Variants in MACROD2 observed in about 807,000 individuals in gnomAD.
MACROD2 encodes the protein ADP-ribose glycohydrolase MACROD2.
In MACROD2, 36 loss-of-function variants were observed where a neutral mutation model predicts 70.4. The ratio of observed to expected loss-of-function variants is 0.51; its 90% CI spans 0.39 to 0.68. MACROD2 has a LOEUF of 0.68. Among genes scored for constraint, MACROD2 ranks in the 30% least tolerant of loss-of-function variants. The pLI is 0.00. For synonymous variants in MACROD2, 172 were observed against 178.8 expected (o/e 0.96, Z 0.30); for missense variants, 496 against 538.4 (o/e 0.92, Z 0.78).
At chr20:15,943,246 G>A (rs2147345542) in intron 12 of MACROD2, among the ~76,000 whole-genome samples, 1 of 152,290 alleles carries the variant, frequency 6.6e-6, no homozygotes, top group South Asian at 2.1e-4. Context: ...CAGTGGTGTG[G>A]ACTCAAAATT....
chr20:15,624,178 C>A (rs112145567), intron 8 of MACROD2, among the ~76,000 whole-genome samples: 3,207 of 152,266 alleles, frequency 0.021, 98 homozygotes, highest in African/African-American at 0.071. Flanking sequence ...TGTTTGAGGG[C>A]AGGAAGCATG....
intron 4 of MACROD2, among the ~76,000 whole-genome samples, chr20:14,583,885 C>G (rs559398714): frequency 6.6e-6 from 1 of 152,210 alleles, no homozygotes; most frequent in Admixed American, 6.5e-5. Context: ...ATACTTGCTA[C>G]TGGTTTCCTT....
intron 2 of MACROD2, among the ~76,000 whole-genome samples, chr20:14,045,680 A>G (rs2053462605): frequency 6.6e-6 from 1 of 152,200 alleles, no homozygotes; most frequent in African/African-American, 2.4e-5. Flanking sequence ...GACAAATAGC[A>G]GAATTAGACC....
At chr20:14,040,566 C>T (rs935001319) in intron 2 of MACROD2, among the ~76,000 whole-genome samples, 2 of 152,140 alleles carry the variant, frequency 1.3e-5, no homozygotes, top group Non-Finnish European at 2.9e-5. Context: ...CCCCATCCCA[C>T]CCAAATATGG....
chr20:15,457,961 A>AG (rs1373003994), intron 7 of MACROD2, among the ~76,000 whole-genome samples: 3,036 of 147,402 alleles, frequency 0.021, 110 homozygotes, highest in African/African-American at 0.071. Flanking sequence ...AAAAAAAAAA[A>AG]AGAAAAAAGA....
chr20:14,510,624 G>A (rs1425788712), intron 4 of MACROD2, among the ~76,000 whole-genome samples: 1 of 152,026 alleles, frequency 6.6e-6, no homozygotes, highest in East Asian at 1.9e-4. Context: ...TAATTGGATT[G>A]TGTTTATGGA....
intron 8 of MACROD2, among the ~76,000 whole-genome samples, chr20:15,572,495 A>C (rs2048388996): frequency 6.6e-6 from 1 of 152,126 alleles, no homozygotes; most frequent in Non-Finnish European, 1.5e-5. Context: ...AATCTGTCTA[A>C]GGTTTATTCA....
In MACROD2 at chr20:14,882,793, TA is replaced by T. The variant is rs946940552; in HGVS notation, c.418+197839del. On this transcript the variant is annotated intron_variant, in intron 5 of 17. Coordinates refer to ENST00000684519, the MANE Select transcript of MACROD2 (RefSeq NM_001351661.2). ...TGGATTGCATTATCTCCATTTTTTT[TA>T]AAAATAAAGTTTAGATCGCTCCCTG... is the stretch of plus-strand genomic sequence containing the variant. Among the ~76,000 whole-genome samples the T allele has an allele frequency of 6.1e-5, 8 of 131,536 alleles. No homozygotes were observed. The East Asian group carries it at 7.0e-4, about 12-fold the overall frequency. The allele number at this position is 131,536 out of a possible 152,430, so 86.3% of individuals were successfully genotyped here. A position where few individuals can be genotyped will look rare whatever the true frequency, so the allele number is the denominator to read the frequency against.
chr20:15,056,387 C>T (rs369746720), intron 5 of MACROD2, among the ~76,000 whole-genome samples: 4 of 152,224 alleles, frequency 2.6e-5, no homozygotes, highest in Non-Finnish European at 4.4e-5. Context: ...TCAGAGCTCC[C>T]GGCGAGACTC....
At chr20:14,648,299 C>T (rs1985502072) in intron 4 of MACROD2, among the ~76,000 whole-genome samples, 1 of 152,102 alleles carries the variant, frequency 6.6e-6, no homozygotes, top group South Asian at 2.1e-4. Flanking sequence ...TCAATATTTA[C>T]ATTACAAATA....
intron 2 of MACROD2, among the ~76,000 whole-genome samples, chr20:14,037,777 A>G (rs1223924683): frequency 6.6e-6 from 1 of 151,872 alleles, no homozygotes; most frequent in African/African-American, 2.4e-5. Flanking sequence ...GCACCTTGGG[A>G]GGAGGCTGAG....
At chr20:14,587,458 G>T (rs981960318) in intron 4 of MACROD2, among the ~76,000 whole-genome samples, 3 of 151,658 alleles carry the variant, frequency 2.0e-5, no homozygotes, top group Non-Finnish European at 4.4e-5. Context: ...CACTAAATAG[G>T]CATTCTTAGT....
intron 5 of MACROD2, among the ~76,000 whole-genome samples, chr20:15,187,894 G>C (rs1436175922): frequency 6.6e-6 from 1 of 152,060 alleles, no homozygotes; most frequent in Non-Finnish European, 1.5e-5. Flanking sequence ...TTTCACAAGG[G>C]AGGTTCAAAA....
intron 7 of MACROD2, among the ~76,000 whole-genome samples, chr20:15,447,308 TAG>T (rs2046582113): frequency 6.6e-6 from 1 of 152,198 alleles, no homozygotes; most frequent in African/African-American, 2.4e-5. Context: ...AGAGCCTGGC[TAG>T]CAGAGGAGCT....
chr20:15,105,174 A>G (rs986835131), intron 5 of MACROD2, among the ~76,000 whole-genome samples: 1 of 152,180 alleles, frequency 6.6e-6, no homozygotes, highest in African/African-American at 2.4e-5. Flanking sequence ...GTGCAGCTGG[A>G]TGCAGGGACT....
chr20:14,417,847 G>T (rs922519162), intron 3 of MACROD2, among the ~76,000 whole-genome samples: 10 of 152,116 alleles, frequency 6.6e-5, no homozygotes, highest in Admixed American at 4.6e-4. Flanking sequence ...AGGATTTTAG[G>T]CTGTTAAAAA....
At chr20:14,896,507 A>G (rs1223296213) in intron 5 of MACROD2, among the ~76,000 whole-genome samples, 1 of 152,084 alleles carries the variant, frequency 6.6e-6, no homozygotes, top group Admixed American at 6.6e-5. Context: ...CCCCTTGTCT[A>G]TTTGTTTGCA....
At chr20:14,562,108 G>T (rs144113322) in intron 4 of MACROD2, among the ~76,000 whole-genome samples, 5 of 151,930 alleles carry the variant, frequency 3.3e-5, no homozygotes, top group African/African-American at 1.2e-4. Flanking sequence ...AGCAAAAGGC[G>T]TAATGATTGG....
At chr20:14,792,725 C>T (rs1178340753) in intron 5 of MACROD2, among the ~76,000 whole-genome samples, 1 of 151,994 alleles carries the variant, frequency 6.6e-6, no homozygotes, top group Admixed American at 6.6e-5. Context: ...AAGTAACATC[C>T]TAGATTTATC....
Sources: gnomAD v4.1 joint callset for allele counts (sites outside exome capture counted in the v4.1 genomes callset) on GRCh38, gnomAD v4.1.1 for gene constraint, MANE v1.5 for transcripts, NCBI Gene and HGNC (gene_info 2026-07-23, HGNC 2026-07-21) for gene names.